Variants in MSRA observed in about 807,000 individuals in gnomAD.
MSRA encodes the protein mitochondrial peptide methionine sulfoxide reductase.
In MSRA, 54 loss-of-function variants were observed where a neutral mutation model predicts 31.3. The ratio of observed to expected loss-of-function variants is 1.73; its 90% CI spans 1.39 to 2.17. The LOEUF is 2.17. MSRA is among the 30% of genes most tolerant of loss of function. MSRA has a pLI of 0.00. For synonymous variants in MSRA, 169 were observed against 116.5 expected (o/e 1.45, Z -2.90); for missense variants, 507 against 300.9 (o/e 1.69, Z -5.07).
At chr8:10,320,803 T>C (rs541588509) in intron 5 of MSRA, among the ~76,000 whole-genome samples, 2 of 152,352 alleles carry the variant, frequency 1.3e-5, no homozygotes, top group Admixed American at 1.3e-4. Context: ...TCTAGATGGC[T>C]GTCTTCTCCA....
chr8:10,146,935 A>C (rs1267092951), intron 1 of MSRA, among the ~76,000 whole-genome samples: 1 of 152,184 alleles, frequency 6.6e-6, no homozygotes, highest in East Asian at 1.9e-4. Flanking sequence ...TGGCACATTC[A>C]CACTATTGTT....
chr8:10,392,886 A>C (rs1806839574), intron 5 of MSRA, among the ~76,000 whole-genome samples: 2 of 64,082 alleles, frequency 3.1e-5, no homozygotes, highest in African/African-American at 5.7e-5. Context: ...CTCTACTAAA[A>C]ATGCAAAAAA....
At chr8:10,285,316 C>G (rs1585366708) in intron 3 of MSRA, among the ~76,000 whole-genome samples, 1 of 152,164 alleles carries the variant, frequency 6.6e-6, no homozygotes, top group African/African-American at 2.4e-5. Flanking sequence ...ATTAAGCTTT[C>G]TAAAGCATTT....
chr8:10,250,627 G>T, intron 3 of MSRA: 1 of 614,756 alleles, frequency 1.6e-6, no homozygotes. Context: ...CTGTTCAGCA[G>T]AGGTTTCGAG....
chr8:10,222,259 C>T (rs555285588), intron 2 of MSRA, among the ~76,000 whole-genome samples: 6 of 152,130 alleles, frequency 3.9e-5, no homozygotes, highest in Non-Finnish European at 8.8e-5. Flanking sequence ...TATAGACCTT[C>T]TCAAATGCCA....
chr8:10,319,185 G>A (rs1801899264), intron 4 of MSRA, among the ~76,000 whole-genome samples: 1 of 152,156 alleles, frequency 6.6e-6, no homozygotes, highest in Non-Finnish European at 1.5e-5. Flanking sequence ...GCTGAAACAT[G>A]CTACTGGGTC....
At chr8:10,415,599 C>T (rs1808411593) in intron 5 of MSRA, among the ~76,000 whole-genome samples, 2 of 152,136 alleles carry the variant, frequency 1.3e-5, no homozygotes, top group South Asian at 4.1e-4. Flanking sequence ...CCTCTGCTTC[C>T]ATCTTTTCCT....
intron 1 of MSRA, among the ~76,000 whole-genome samples, chr8:10,187,915 A>C (rs779136499): frequency 6.6e-6 from 1 of 152,354 alleles, no homozygotes; most frequent in East Asian, 1.9e-4. Flanking sequence ...TTTAATGAAC[A>C]GGTTCCTGCC....
At chr8:10,111,947 T>C (rs1800321783) in intron 1 of MSRA, among the ~76,000 whole-genome samples, 1 of 152,222 alleles carries the variant, frequency 6.6e-6, no homozygotes, top group Non-Finnish European at 1.5e-5. Flanking sequence ...TAGCCGCTTC[T>C]TCCTGATGTT....
At chr8:10,122,959 T>A (rs1430643137) in intron 1 of MSRA, among the ~76,000 whole-genome samples, 1 of 152,216 alleles carries the variant, frequency 6.6e-6, no homozygotes, top group Non-Finnish European at 1.5e-5. Context: ...TGATTCTACA[T>A]CTTTGCTATT....
chr8:10,368,091 C>T (rs900613925), intron 5 of MSRA, among the ~76,000 whole-genome samples: 2 of 152,142 alleles, frequency 1.3e-5, no homozygotes, highest in Non-Finnish European at 2.9e-5. Context: ...GAGCCAGGCA[C>T]AGCAGAATGA....
intron 5 of MSRA, among the ~76,000 whole-genome samples, chr8:10,413,997 T>G (rs1808312237): frequency 6.6e-6 from 1 of 152,038 alleles, no homozygotes; most frequent in Non-Finnish European, 1.5e-5. Context: ...AGACCCCATC[T>G]CTACAAAAAA....
intron 1 of MSRA, among the ~76,000 whole-genome samples, chr8:10,092,364 G>A (rs1190425687): frequency 6.6e-6 from 1 of 152,012 alleles, no homozygotes; most frequent in Non-Finnish European, 1.5e-5. Context: ...ATATCCTTAA[G>A]TATGTACATT....
intron 1 of MSRA, among the ~76,000 whole-genome samples, chr8:10,156,588 A>G (rs1804169364): frequency 6.6e-6 from 1 of 152,208 alleles, no homozygotes; most frequent in Non-Finnish European, 1.5e-5. Flanking sequence ...TAAGTGGCAT[A>G]GAAATTAATC....
At chr8:10,361,206 T>G (rs1804826144) in intron 5 of MSRA, among the ~76,000 whole-genome samples, 1 of 152,204 alleles carries the variant, frequency 6.6e-6, no homozygotes, top group Admixed American at 6.5e-5. Context: ...AATGCCACCT[T>G]TCCCAAGATA....
chr8:10,202,624 A>G (rs140347517), intron 1 of MSRA, among the ~76,000 whole-genome samples: 15 of 152,342 alleles, frequency 9.8e-5, no homozygotes, highest in Admixed American at 3.9e-4. Context: ...GTGTTTGATT[A>G]GTGATGTCTG....
intron 5 of MSRA, among the ~76,000 whole-genome samples, chr8:10,323,745 C>CGTGTGTGTGTGTGTGTGT (rs10643873): frequency 0.015 from 2,127 of 142,636 alleles, 43 homozygotes; most frequent in Non-Finnish European, 0.018. Context: ...GAATTAAATA[C>CGTGTGTGTGTGTGTGTGT]GTGTGTGTGT....
chr8:10,274,722 C>A (rs1295183626), intron 3 of MSRA, among the ~76,000 whole-genome samples: 1 of 152,038 alleles, frequency 6.6e-6, no homozygotes, highest in Admixed American at 6.5e-5. Context: ...TCCATGTATC[C>A]ACTCATCCAT....
intron 1 of MSRA, among the ~76,000 whole-genome samples, chr8:10,057,855 C>G (rs1050157480): frequency 6.6e-6 from 1 of 152,182 alleles, no homozygotes; most frequent in Non-Finnish European, 1.5e-5. Context: ...TTAAACCTCT[C>G]TTCTTTATAA....
Sources: gnomAD v4.1 joint callset for allele counts (sites outside exome capture counted in the v4.1 genomes callset) on GRCh38, gnomAD v4.1.1 for gene constraint, MANE v1.5 for transcripts, NCBI Gene and HGNC (gene_info 2026-07-23, HGNC 2026-07-21) for gene names.